RNF115: variants seen among roughly 807,000 people sequenced by gnomAD.
RNF115 encodes ring finger protein 115.
Under a neutral mutation model 39.2 loss-of-function variants are expected in RNF115, and 31 were observed. The observed-to-expected ratio is 0.79, with a 90% CI of 0.59 to 1.07. The LOEUF (loss-of-function observed/expected upper bound fraction) is 1.07. Among genes scored for constraint, RNF115 ranks in the 50% least tolerant of loss-of-function variants. The probability of loss-of-function intolerance (pLI) is 0.00; values close to 1 mark genes in which losing one functional copy is unlikely to be tolerated. For missense variants in RNF115, 384 were observed against 381.7 expected (o/e 1.01, Z -0.05); for synonymous variants, 124 against 131.0 (o/e 0.95, Z 0.37).
At chr1:145,752,585 CTTT>C (rs60257682) in intron 5 of RNF115, among the ~76,000 whole-genome samples, 14 of 83,748 alleles carry the variant, frequency 1.7e-4, no homozygotes, top group African/African-American at 5.2e-4. Flanking sequence ...CTATGCAGCT[CTTT>C]TTTTTTTTTT....
At chr1:145,750,740 C>CCT (rs1553712370) in intron 6 of RNF115, among the ~76,000 whole-genome samples, 1 of 152,122 alleles carries the variant, frequency 6.6e-6, no homozygotes, top group African/African-American at 2.4e-5. Flanking sequence ...GCAAGGCCCA[C>CCT]CTCTAGGCAT....
At chr1:145,822,171 A>G (rs1458100941) in intron 1 of RNF115, among the ~76,000 whole-genome samples, 12 of 151,908 alleles carry the variant, frequency 7.9e-5, no homozygotes, top group African/African-American at 2.9e-4. Flanking sequence ...TACTAAAAAC[A>G]CAAAAATTAG....
At chr1:145,750,301 TTG>T in intron 7 of RNF115, 104 bp downstream of exon 7, 5 of 883,932 alleles carry the variant, frequency 5.7e-6, no homozygotes, top group Non-Finnish European at 8.7e-6. Flanking sequence ...TCTTATTTTT[TTG>T]TCTTTTTATT....
At chr1:145,751,785 T>C (rs1658098884) in intron 5 of RNF115, among the ~76,000 whole-genome samples, 1 of 152,212 alleles carries the variant, frequency 6.6e-6, no homozygotes, top group Non-Finnish European at 1.5e-5. Context: ...GAGTGACTCA[T>C]TGCCTGTTGG....
intron 4 of RNF115, among the ~76,000 whole-genome samples, chr1:145,767,336 C>T (rs1553715121): frequency 6.9e-6 from 1 of 144,128 alleles, no homozygotes; most frequent in South Asian, 2.3e-4. Context: ...ACTTCTCAGA[C>T]GGGGCGGCCG....
intron 3 of RNF115, among the ~76,000 whole-genome samples, chr1:145,783,051 T>C (rs1407668336): frequency 6.6e-6 from 1 of 152,116 alleles, no homozygotes; most frequent in East Asian, 1.9e-4. Context: ...TTAGTAGAGA[T>C]GGGGTTTCAC....
At chr1:145,801,261 T>C (rs927925477) in intron 1 of RNF115, among the ~76,000 whole-genome samples, 2 of 152,218 alleles carry the variant, frequency 1.3e-5, no homozygotes, top group African/African-American at 4.8e-5. Context: ...CATTATACCA[T>C]GCTGATTGAA....
intron 1 of RNF115, among the ~76,000 whole-genome samples, chr1:145,792,903 G>C (rs1648744380): frequency 6.6e-6 from 1 of 152,006 alleles, no homozygotes; most frequent in Non-Finnish European, 1.5e-5. Flanking sequence ...ATTCATAATG[G>C]GCATACTGTA....
intron 1 of RNF115, among the ~76,000 whole-genome samples, chr1:145,795,684 T>TA (rs1344164469): frequency 5.9e-5 from 9 of 152,124 alleles, no homozygotes; most frequent in African/African-American, 1.4e-4. Context: ...ACATGACACT[T>TA]AAGAGATATA....
At chr1:145,764,907 C>T (rs587746159) in intron 4 of RNF115, among the ~76,000 whole-genome samples, 2 of 152,346 alleles carry the variant, frequency 1.3e-5, no homozygotes, top group Admixed American at 6.5e-5. Flanking sequence ...GGCCACCACC[C>T]CGTCTAGGAG....
chr1:145,779,169 G>A (rs1648010584), intron 3 of RNF115, among the ~76,000 whole-genome samples: 1 of 137,152 alleles, frequency 7.3e-6, no homozygotes, highest in Non-Finnish European at 1.5e-5. Context: ...AGAATATGAA[G>A]TCCTAATTTT....
chr1:145,746,351 A>G lies in RNF115; in HGVS notation c.*515T>C, dbSNP rs929379146. The G allele has an allele frequency of 6.6e-6, 1 of 151,516 alleles. No homozygotes were observed. Among genetic ancestry groups the G allele is most frequent in the Admixed American group, 6.6e-5 (1 of 15,190 alleles). 9.4% of individuals were successfully genotyped at this position (151,516 alleles called of 1,614,324 possible). ...GGGATCAAGACAAAACAAAATCATTAGTCTTAGATACCTGAATTTGACCTC... is the reference window on the plus strand; with the variant it reads ...GGGATCAAGACAAAACAAAATCATTGGTCTTAGATACCTGAATTTGACCTC... On this transcript the variant is annotated 3_prime_UTR_variant, in exon 9 of 9. Transcript: ENST00000582693.
chr1:145,771,380 C>T (rs180942785), intron 4 of RNF115, among the ~76,000 whole-genome samples: 16 of 152,288 alleles, frequency 1.1e-4, no homozygotes, highest in Admixed American at 5.2e-4. Flanking sequence ...TTCCCAGCCT[C>T]CAGAAATATA....
chr1:145,764,499 G>T (rs1571722688), intron 4 of RNF115, among the ~76,000 whole-genome samples: 1 of 151,842 alleles, frequency 6.6e-6, no homozygotes, highest in East Asian at 1.9e-4. Flanking sequence ...ACCCCGTCTG[G>T]GAGGTGAGGA....
chr1:145,753,204 C>T (rs1196506947), intron 4 of RNF115, among the ~76,000 whole-genome samples, 155 bp from the exon 5 acceptor site: 1 of 152,224 alleles, frequency 6.6e-6, no homozygotes, highest in Non-Finnish European at 1.5e-5. Context: ...GCCTGCCACA[C>T]AGCGGTGTGC....
chr1:145,769,985 G>A (rs1454339691), intron 4 of RNF115, among the ~76,000 whole-genome samples: 1 of 152,066 alleles, frequency 6.6e-6, no homozygotes, highest in Non-Finnish European at 1.5e-5. Flanking sequence ...TCTAGCCTGG[G>A]AAACAAAGTG....
rs1650473065 is a variant in RNF115, at chr1:145,824,055, G to A, written c.-182C>T. 6.1e-6 allele frequency: 3 copies of A among 491,774 alleles called. No individual in the cohort carries two copies. Among genetic ancestry groups the A allele is most frequent in the Non-Finnish European group, 1.1e-5 (3 of 283,282 alleles). 30.5% of individuals were successfully genotyped at this position (491,774 alleles called of 1,614,324 possible). On this transcript the variant is annotated 5_prime_UTR_variant, in exon 1 of 9. Transcript: ENST00000582693. ...GCGGCGGCGCCAACAGCTACCCTGC[G>A]GCCCGCCTCCCAGCACCAAAGAGGC... is the stretch of plus-strand genomic sequence containing the variant.
chr1:145,800,712 C>G (rs1247063015), intron 1 of RNF115, among the ~76,000 whole-genome samples: 10 of 152,212 alleles, frequency 6.6e-5, no homozygotes, highest in Admixed American at 5.9e-4. Flanking sequence ...CAGGTACTAT[C>G]TGACCACAAC....
chr1:145,747,411 G>A (rs1487010213), intron 8 of RNF115, among the ~76,000 whole-genome samples: 1 of 152,130 alleles, frequency 6.6e-6, no homozygotes, highest in Non-Finnish European at 1.5e-5. Flanking sequence ...CAATACTTTG[G>A]GAGGCCGAGG....
Sources: allele counts gnomAD v4.1 joint callset (sites outside exome capture counted in the v4.1 genomes callset), GRCh38; gene constraint gnomAD v4.1.1; transcripts MANE v1.5; gene names NCBI Gene and HGNC (gene_info 2026-07-23, HGNC 2026-07-21).